Variants in MRTFA observed in about 807,000 individuals in gnomAD.
The protein encoded by MRTFA is myocardin related transcription factor A.
A neutral mutation model predicts 83.5 loss-of-function variants in MRTFA; 20 were observed. The ratio of observed to expected loss-of-function variants is 0.24; its 90% confidence interval spans 0.17 to 0.35. The LOEUF is 0.35. MRTFA is among the 10% of genes least tolerant of loss of function. MRTFA has a pLI of 1.00. For missense variants in MRTFA, 1,200 were observed against 1,224.7 expected, an observed-to-expected ratio of 0.98 and a Z score of 0.30; for synonymous variants, 659 against 541.2, an observed-to-expected ratio of 1.22 and a Z score of -3.02.
chr22:40,526,368 G>C (rs2054973132), intron 3 of MRTFA: 1 of 152,178 alleles, frequency 6.6e-6, no homozygotes, highest in Non-Finnish European at 1.5e-5. Flanking sequence ...TCAAGGTGAT[G>C]CGGGAACAAG....
intron 3 of MRTFA, among the ~76,000 whole-genome samples, chr22:40,476,976 C>T (rs2054007962): frequency 6.6e-6 from 1 of 152,006 alleles, no homozygotes; most frequent in African/African-American, 2.4e-5. Context: ...AAAGGGTTAA[C>T]AGCACTGAAT....
intron 3 of MRTFA, among the ~76,000 whole-genome samples, chr22:40,551,126 G>A (rs958903766): frequency 7.9e-5 from 12 of 151,672 alleles, no homozygotes; most frequent in South Asian, 2.1e-4. Context: ...ATGAGTCACC[G>A]TGCCCAGCCT....
chr22:40,578,953 T>C (rs1261105225), intron 2 of MRTFA, among the ~76,000 whole-genome samples: 2 of 151,602 alleles, frequency 1.3e-5, no homozygotes, highest in African/African-American at 4.9e-5. Flanking sequence ...ACAAAATAAA[T>C]AAAAAGCAGC....
intron 1 of MRTFA, among the ~76,000 whole-genome samples, chr22:40,614,741 C>A (rs1330227740): frequency 6.6e-6 from 1 of 152,154 alleles, no homozygotes; most frequent in Non-Finnish European, 1.5e-5. Context: ...CCTGCCTCGG[C>A]CTCCCAAAGT....
At chr22:40,585,147 A>T (rs1199608693) in intron 2 of MRTFA, among the ~76,000 whole-genome samples, 1 of 152,230 alleles carries the variant, frequency 6.6e-6, no homozygotes, top group Non-Finnish European at 1.5e-5. Context: ...ATCTGAAGGG[A>T]AGAGGAAACA....
chr22:40,512,841 A>G (rs1435877659), intron 3 of MRTFA, among the ~76,000 whole-genome samples: 1 of 152,232 alleles, frequency 6.6e-6, no homozygotes, highest in African/African-American at 2.4e-5. Flanking sequence ...TCATACCCAT[A>G]ACACCACCAC....
intron 1 of MRTFA, among the ~76,000 whole-genome samples, chr22:40,596,480 G>T (rs1233954192): frequency 6.6e-6 from 1 of 152,134 alleles, no homozygotes; most frequent in African/African-American, 2.4e-5. Flanking sequence ...AGGAGTTCAA[G>T]ACCAGCCTGG....
chr22:40,410,553 G>A lies in MRTFA; in HGVS notation c.*837C>T, dbSNP rs777147181. The A allele has an allele frequency of 8.6e-5, 20 of 233,328 alleles. No homozygotes were observed. The highest frequency in any genetic ancestry group is 1.3e-4 in the Non-Finnish European group (15 of 117,870). 14.5% of individuals were successfully genotyped at this position (233,328 alleles called of 1,614,324 possible). A position where few individuals can be genotyped will look rare whatever the true frequency, so the allele number is the denominator to read the frequency against. On this transcript the variant is annotated 3_prime_UTR_variant, in exon 15 of 15. Coordinates refer to ENST00000355630, the MANE Select transcript of MRTFA (RefSeq NM_020831.6). ...TGGAGAGCTCCTGGCAGGAAGGCCA[G>A]GTAGCACCTCTGCCCTCATGGCACT...
At chr22:40,583,273 C>T (rs2055977272) in intron 2 of MRTFA, among the ~76,000 whole-genome samples, 1 of 152,048 alleles carries the variant, frequency 6.6e-6, no homozygotes, top group African/African-American at 2.4e-5. Flanking sequence ...AATAATGAAA[C>T]CATAGCTCCC....
chr22:40,553,879 G>A (rs979987408), intron 2 of MRTFA, among the ~76,000 whole-genome samples: 20 of 152,254 alleles, frequency 1.3e-4, no homozygotes, highest in African/African-American at 3.1e-4. Flanking sequence ...GGGTGAAGCC[G>A]TACCCTCCAA....
chr22:40,573,140 A>C (rs1297142331), intron 2 of MRTFA, among the ~76,000 whole-genome samples: 7 of 152,174 alleles, frequency 4.6e-5, no homozygotes, highest in Non-Finnish European at 7.3e-5. Context: ...AGAGGGAAGG[A>C]GTATGAAGTT....
At chr22:40,589,760 G>A (rs1290946127) in intron 2 of MRTFA, among the ~76,000 whole-genome samples, 1 of 152,140 alleles carries the variant, frequency 6.6e-6, no homozygotes, top group East Asian at 1.9e-4. Context: ...CGGGCACGGT[G>A]GCTCACACCT....
At chr22:40,495,837 G>C (rs2032041226) in intron 3 of MRTFA, among the ~76,000 whole-genome samples, 1 of 151,484 alleles carries the variant, frequency 6.6e-6, no homozygotes, top group Non-Finnish European at 1.5e-5. Context: ...GGAGGCTGAG[G>C]AGGGCGAATC....
At chr22:40,596,968 ACT>A (rs946616543) in intron 1 of MRTFA, among the ~76,000 whole-genome samples, 3 of 150,790 alleles carry the variant, frequency 2.0e-5, no homozygotes, top group Admixed American at 6.6e-5. Context: ...ACAGAGTGAG[ACT>A]CTGTCTCAAA....
intron 1 of MRTFA, among the ~76,000 whole-genome samples, chr22:40,631,893 T>A (rs557007313): frequency 3.3e-5 from 5 of 152,340 alleles, no homozygotes; most frequent in African/African-American, 1.2e-4. Flanking sequence ...AGAACTTCAG[T>A]ACCTTCTTTT....
intron 3 of MRTFA, among the ~76,000 whole-genome samples, chr22:40,498,588 T>A (rs2054403231): frequency 6.6e-6 from 1 of 151,974 alleles, no homozygotes; most frequent in Non-Finnish European, 1.5e-5. Flanking sequence ...CCCAGCCTCA[T>A]TCAATAAATA....
intron 3 of MRTFA, among the ~76,000 whole-genome samples, chr22:40,508,769 A>G (rs2147237919): frequency 6.6e-6 from 1 of 151,592 alleles, no homozygotes; most frequent in South Asian, 2.1e-4. Flanking sequence ...TGTAATCCCA[A>G]CAATTTTGGA....
At chr22:40,465,338 C>T (rs546329470) in intron 3 of MRTFA, among the ~76,000 whole-genome samples, 2 of 152,130 alleles carry the variant, frequency 1.3e-5, no homozygotes, top group Non-Finnish European at 2.9e-5. Flanking sequence ...TGAACTGGAT[C>T]TCAAAAGGAT....
At chr22:40,629,775 CAA>C (rs766356425) in intron 1 of MRTFA, among the ~76,000 whole-genome samples, 30 of 40,358 alleles carry the variant, frequency 7.4e-4, no homozygotes, top group African/African-American at 2.3e-3. Flanking sequence ...GATTCCATCT[CAA>C]AAAAAAAAAA....
Sources: gnomAD v4.1 joint callset for allele counts (sites outside exome capture counted in the v4.1 genomes callset) on GRCh38, gnomAD v4.1.1 for gene constraint, MANE v1.5 for transcripts, NCBI Gene and HGNC (gene_info 2026-07-23, HGNC 2026-07-21) for gene names.